SPAG16: variants seen among roughly 807,000 people sequenced by gnomAD.
SPAG16 encodes the protein sperm associated antigen 16.
A neutral mutation model predicts 80.4 loss-of-function variants in SPAG16; 86 were observed. The ratio of observed to expected loss-of-function variants is 1.07; its 90% CI spans 0.90 to 1.28. The LOEUF (loss-of-function observed/expected upper bound fraction) is 1.28, where lower values mean the gene tolerates loss of function less well. Ranked by LOEUF, SPAG16 falls within the 50% of genes most tolerant of loss-of-function variation. SPAG16 has a pLI of 0.00. For synonymous variants in SPAG16, 294 were observed against 265.9 expected, an observed-to-expected ratio of 1.11 and a Z score of -1.03; for missense variants, 870 against 765.3, an observed-to-expected ratio of 1.14 and a Z score of -1.61.
intron 1 of SPAG16, among the ~76,000 whole-genome samples, chr2:213,288,970 G>A (rs1412047585): frequency 6.6e-6 from 1 of 152,184 alleles, no homozygotes; most frequent in Admixed American, 6.5e-5. Flanking sequence ...ACTAAATCCA[G>A]AGTGTTGATA....
chr2:213,425,669 A>T (rs1215653475), intron 9 of SPAG16, among the ~76,000 whole-genome samples: 3 of 151,820 alleles, frequency 2.0e-5, no homozygotes, highest in African/African-American at 7.3e-5. Flanking sequence ...AAAAAAAAAA[A>T]AGGTGTGCAA....
chr2:213,351,003 G>A (rs2065298091), intron 7 of SPAG16, among the ~76,000 whole-genome samples: 1 of 151,778 alleles, frequency 6.6e-6, no homozygotes, highest in Non-Finnish European at 1.5e-5. Context: ...ATAGCCGGGT[G>A]TGGTGGCACA....
chr2:214,360,774 G>T (rs1243313669), intron 15 of SPAG16, among the ~76,000 whole-genome samples: 1 of 151,798 alleles, frequency 6.6e-6, no homozygotes, highest in Non-Finnish European at 1.5e-5. Context: ...TTAGCTGGAG[G>T]CAAGGCTTAC....
At chr2:213,667,575 C>T (rs2063654943) in intron 10 of SPAG16, among the ~76,000 whole-genome samples, 1 of 152,184 alleles carries the variant, frequency 6.6e-6, no homozygotes, top group Non-Finnish European at 1.5e-5. Flanking sequence ...GAAAGTGATA[C>T]TTCTACAAAG....
Position 213,284,561 on chromosome 2 carries a change from C to G in SPAG16, c.78C>G (p.Ala26=), listed in dbSNP as rs768947980. The part of the protein sequence containing the change: ...EEALGMGLTA[A]GDARDTADAV... ...CGTTGGGCATGGGTTTGACGGCAGCCGGGGACGCGAGGGACACGGCGGACG... is the reference window on the plus strand; with the variant it reads ...CGTTGGGCATGGGTTTGACGGCAGCGGGGGACGCGAGGGACACGGCGGACG... Residue 26 remains alanine, a synonymous_variant, in exon 1 of 16, where the codon GCC becomes GCG. Transcript: ENST00000331683. The G allele has an allele frequency of 6.2e-7, 1 of 1,607,916 alleles. No homozygotes were observed.
intron 12 of SPAG16, among the ~76,000 whole-genome samples, chr2:213,991,471 G>A (rs1167744769): frequency 6.6e-6 from 1 of 152,088 alleles, no homozygotes; most frequent in Non-Finnish European, 1.5e-5. Flanking sequence ...ATGTGTACAT[G>A]TGTCTTTATA....
At chr2:213,564,933 A>G (rs1319147988) in intron 10 of SPAG16, among the ~76,000 whole-genome samples, 1 of 152,242 alleles carries the variant, frequency 6.6e-6, no homozygotes, top group East Asian at 1.9e-4. Flanking sequence ...ATTTAATTAC[A>G]TCACATTGAA....
chr2:214,114,673 T>G (rs951926066), intron 14 of SPAG16, among the ~76,000 whole-genome samples: 6 of 152,184 alleles, frequency 3.9e-5, no homozygotes, highest in Admixed American at 6.5e-5. Context: ...AGCATAGTAT[T>G]TGGGCGGGAG....
chr2:214,208,234 C>T (rs1311165374), intron 15 of SPAG16, among the ~76,000 whole-genome samples: 1 of 152,002 alleles, frequency 6.6e-6, no homozygotes, highest in Non-Finnish European at 1.5e-5. Context: ...ATTTAGGTTT[C>T]CAGAATTAAA....
intron 13 of SPAG16, among the ~76,000 whole-genome samples, chr2:214,072,673 A>G (rs1357816353): frequency 6.6e-6 from 1 of 152,210 alleles, no homozygotes; most frequent in Non-Finnish European, 1.5e-5. Context: ...GCATTTGAAA[A>G]TAGACATTTA....
intron 15 of SPAG16, among the ~76,000 whole-genome samples, chr2:214,367,904 A>G (rs1699583337): frequency 6.6e-6 from 1 of 152,136 alleles, no homozygotes; most frequent in African/African-American, 2.4e-5. Context: ...TCATTCTCAC[A>G]ATATATGAAC....
chr2:213,376,063 C>CT (rs899578333), intron 9 of SPAG16, among the ~76,000 whole-genome samples: 1 of 150,954 alleles, frequency 6.6e-6, no homozygotes, highest in Admixed American at 6.6e-5. Context: ...AAACTAATCA[C>CT]TTTTTTGTTA....
chr2:214,394,516 C>T (rs1178620210), intron 15 of SPAG16, among the ~76,000 whole-genome samples: 1 of 152,134 alleles, frequency 6.6e-6, no homozygotes, highest in Non-Finnish European at 1.5e-5. Context: ...AGATATTTTA[C>T]CTTTAATTCC....
At chr2:214,130,932 CTG>C (rs1382858752) in intron 14 of SPAG16, among the ~76,000 whole-genome samples, 1 of 152,126 alleles carries the variant, frequency 6.6e-6, no homozygotes, top group African/African-American at 2.4e-5. Flanking sequence ...GAAAGACTCT[CTG>C]TGATTTATTA....
At chr2:214,115,030 C>G (rs1318317480) in intron 14 of SPAG16, among the ~76,000 whole-genome samples, 1 of 152,202 alleles carries the variant, frequency 6.6e-6, no homozygotes, top group Non-Finnish European at 1.5e-5. Context: ...CCCACAGCCT[C>G]ATTAAAATTT....
chr2:214,383,292 A>G (rs190982993), intron 15 of SPAG16, among the ~76,000 whole-genome samples: 4 of 152,264 alleles, frequency 2.6e-5, no homozygotes, highest in Admixed American at 6.5e-5. Context: ...CTTAGACTAC[A>G]CTGGGCACAG....
chr2:214,021,154 C>A (rs1053270649), intron 13 of SPAG16, among the ~76,000 whole-genome samples: 22 of 152,080 alleles, frequency 1.4e-4, no homozygotes, highest in Admixed American at 7.2e-4. Context: ...GTCAACTTTT[C>A]TTTTAAACAC....
intron 10 of SPAG16, among the ~76,000 whole-genome samples, chr2:213,813,092 T>C (rs147268178): frequency 2.9e-4 from 44 of 152,262 alleles, no homozygotes; most frequent in Non-Finnish European, 1.8e-4. Context: ...AGAATGTCAC[T>C]CTAACCCCTA....
chr2:213,795,782 T>A (rs2070987265), intron 10 of SPAG16, among the ~76,000 whole-genome samples: 1 of 152,202 alleles, frequency 6.6e-6, no homozygotes, highest in African/African-American at 2.4e-5. Flanking sequence ...TCTGTCTTGC[T>A]CCTACTCTAG....
Sources: gnomAD v4.1 joint callset for allele counts (sites outside exome capture counted in the v4.1 genomes callset) on GRCh38, gnomAD v4.1.1 for gene constraint, MANE v1.5 for transcripts, NCBI Gene and HGNC (gene_info 2026-07-23, HGNC 2026-07-21) for gene names.